COL10A1: variants seen among roughly 807,000 people sequenced by gnomAD.
The protein encoded by COL10A1 is collagen type X alpha 1 chain.
COL10A1 carries 10 observed loss-of-function variants against 18.2 expected under a neutral mutation model. The ratio of observed to expected loss-of-function variants is 0.55; its 90% CI spans 0.34 to 0.93. The LOEUF is 0.93. Ranked by LOEUF, COL10A1 falls within the 40% of genes least tolerant of loss-of-function variation. The pLI is 0.02. For synonymous variants in COL10A1, 330 were observed against 316.6 expected (o/e 1.04, Z -0.45); for missense variants, 897 against 853.5 (o/e 1.05, Z -0.64).
At chr6:116,198,754 A>G in the COL10A1 span, among the ~76,000 whole-genome samples, 1 of 151,892 alleles carries the variant, frequency 6.6e-6, no homozygotes, top group Admixed American at 6.6e-5. Context: ...TAAAAAAAGG[A>G]CTACAGGAGT....
the COL10A1 span, among the ~76,000 whole-genome samples, chr6:116,180,017 ATCT>A: frequency 0.026 from 3,959 of 152,168 alleles, 151 homozygotes; most frequent in African/African-American, 0.09. Flanking sequence ...TTACAATTAA[ATCT>A]TGTTTTTTAT....
the COL10A1 span, among the ~76,000 whole-genome samples, chr6:116,187,890 A>G: frequency 1.3e-5 from 2 of 152,098 alleles, no homozygotes; most frequent in Admixed American, 6.6e-5. Context: ...GTCTCTCTTC[A>G]TAAAAAATTA....
the COL10A1 span, among the ~76,000 whole-genome samples, chr6:116,212,299 A>G: frequency 6.6e-5 from 10 of 152,086 alleles, no homozygotes; most frequent in Admixed American, 1.3e-4. Flanking sequence ...GTGGAAAAGT[A>G]TAGTGAAAAA....
chr6:116,121,396 C>A lies in COL10A1; in HGVS notation c.720G>T (p.Pro240=), dbSNP rs112875740. 8.5e-5 allele frequency: 137 copies of A among 1,614,004 alleles called. No individual in the cohort carries two copies. In the African/African-American group the frequency reaches 1.5e-3, roughly 18 times the overall value. ...QPGIKGDRGF[P]GEMGPIGPPG... ...GTGGGCCAATTGGTCCCATTTCTCC[C>A]GGAAAACCTCTATCACCTTTGATGC... is the stretch of plus-strand genomic sequence containing the variant. Residue 240 remains proline (P), a synonymous_variant, in exon 3 of 3, where the codon CCG becomes CCT. Transcript: ENST00000651968.
upstream of COL10A1, among the ~76,000 whole-genome samples, chr6:116,162,285 T>C (rs1346070837): frequency 6.6e-6 from 1 of 152,214 alleles, no homozygotes; most frequent in Non-Finnish European, 1.5e-5. Flanking sequence ...TCCTGCCTGA[T>C]TGCTCTGGCT....
chr6:116,165,646 A>G, the COL10A1 span, among the ~76,000 whole-genome samples: 2 of 152,192 alleles, frequency 1.3e-5, no homozygotes, highest in African/African-American at 4.8e-5. Context: ...ATCTGTTACC[A>G]ACCACCAGTA....
the COL10A1 span, among the ~76,000 whole-genome samples, chr6:116,213,509 G>A: frequency 2.6e-5 from 4 of 152,042 alleles, no homozygotes; most frequent in East Asian, 3.9e-4. Flanking sequence ...ATTGGTCAAA[G>A]CAGTAAAATA....
At chr6:116,148,000 G>T (rs187295183) in intron 1 of COL10A1, among the ~76,000 whole-genome samples, 4,378 of 148,656 alleles carry the variant, frequency 0.029, 231 homozygotes, top group African/African-American at 0.1. Context: ...AAAAAAAGGT[G>T]GGGGGGGTTG....
At chr6:116,163,702 T>G (rs1780399113), upstream of COL10A1, among the ~76,000 whole-genome samples, 1 of 152,292 alleles carries the variant, frequency 6.6e-6, no homozygotes, top group Non-Finnish European at 1.5e-5. Flanking sequence ...GTTAGGTACA[T>G]CATTTGGTTG....
At chr6:116,166,637 A>G in the COL10A1 span, among the ~76,000 whole-genome samples, 7 of 152,158 alleles carry the variant, frequency 4.6e-5, no homozygotes, top group Admixed American at 3.3e-4. Flanking sequence ...CCTTTTCTAC[A>G]TGCTGATAAA....
rs1340331457 is a variant in COL10A1 at position 116,135,328 on chromosome 6, C to T, written c.-15-9821G>A. Among the ~76,000 whole-genome samples, 4 of 151,856 alleles carry T rather than the reference C, an allele frequency of 2.6e-5. No homozygotes were observed. The East Asian group carries it at 5.8e-4, about 22-fold the overall frequency. On this transcript the variant is annotated intron_variant, in intron 1 of 1. Transcript: ENST00000418500. ...GAATTGCATCAATATCATTAAAATA[C>T]GAATATTAGAGCTGAAAGAGATACT... is the stretch of plus-strand genomic sequence containing the variant.
At chr6:116,182,019 C>T in the COL10A1 span, among the ~76,000 whole-genome samples, 7 of 152,096 alleles carry the variant, frequency 4.6e-5, no homozygotes, top group South Asian at 2.1e-4. Context: ...ATCCCTCACC[C>T]GCTCCCACCC....
the COL10A1 span, among the ~76,000 whole-genome samples, chr6:116,168,511 T>C: frequency 6.6e-6 from 1 of 152,158 alleles, no homozygotes; most frequent in Non-Finnish European, 1.5e-5. Flanking sequence ...TTATTATTTA[T>C]AGTTTTCAAG....
At chr6:116,168,157 G>C in the COL10A1 span, among the ~76,000 whole-genome samples, 1 of 145,732 alleles carries the variant, frequency 6.9e-6, no homozygotes, top group Non-Finnish European at 1.5e-5. Flanking sequence ...GGTTTGTTTT[G>C]GAAAATTCTG....
the COL10A1 span, among the ~76,000 whole-genome samples, chr6:116,203,063 C>T: frequency 9.9e-5 from 15 of 151,842 alleles, no homozygotes; most frequent in African/African-American, 3.6e-4. Flanking sequence ...TGATATTAAA[C>T]ATTTTTATGG....
intron 1 of COL10A1, among the ~76,000 whole-genome samples, chr6:116,146,461 G>A (rs1055552260): frequency 3.9e-5 from 6 of 152,136 alleles, no homozygotes; most frequent in African/African-American, 1.4e-4. Context: ...CTCAAAATGG[G>A]GGAAAGAAAT....
upstream of COL10A1, among the ~76,000 whole-genome samples, chr6:116,162,772 C>T (rs1207659006): frequency 1.3e-5 from 2 of 152,066 alleles, no homozygotes; most frequent in Non-Finnish European, 2.9e-5. Flanking sequence ...TTGTTATTAG[C>T]ATGATACTAG....
chr6:116,157,567 T>C (rs1332033637), intron 1 of COL10A1, among the ~76,000 whole-genome samples: 2 of 152,252 alleles, frequency 1.3e-5, no homozygotes, highest in African/African-American at 4.8e-5. Flanking sequence ...GGATCAAGTG[T>C]ATGTGAAATT....
chr6:116,152,950 T>C (rs1780085976), intron 1 of COL10A1, among the ~76,000 whole-genome samples: 1 of 152,156 alleles, frequency 6.6e-6, no homozygotes, highest in Non-Finnish European at 1.5e-5. Flanking sequence ...CATACTGCTG[T>C]CTTATTTTTA....
Sources: allele counts gnomAD v4.1 joint callset (sites outside exome capture counted in the v4.1 genomes callset), GRCh38; gene constraint gnomAD v4.1.1; transcripts MANE v1.5; gene names NCBI Gene and HGNC (gene_info 2026-07-23, HGNC 2026-07-21).